ITGA9: variants seen among roughly 807,000 people sequenced by gnomAD.
ITGA9 encodes integrin subunit alpha 9.
ITGA9 carries 56 observed loss-of-function variants against 127.8 expected under a neutral mutation model. That is an observed-to-expected ratio of 0.44 (90% confidence interval 0.35 to 0.55). The LOEUF is 0.55. ITGA9 is among the 20% of genes least tolerant of loss of function. The pLI is 0.00. For missense variants in ITGA9, 1,196 were observed against 1,347.1 expected (o/e 0.89, Z 1.76); for synonymous variants, 508 against 514.5 (o/e 0.99, Z 0.17).
chr3:37,797,017 C>G (rs1467943821), intron 26 of ITGA9, among the ~76,000 whole-genome samples: 1 of 151,966 alleles, frequency 6.6e-6, no homozygotes, highest in Non-Finnish European at 1.5e-5. Flanking sequence ...CAGCTGAGGT[C>G]AGGTTAGGGA....
At chr3:37,460,206 T>G (rs764462497) in intron 1 of ITGA9, among the ~76,000 whole-genome samples, 20 of 152,226 alleles carry the variant, frequency 1.3e-4, no homozygotes, top group Non-Finnish European at 2.8e-4. Flanking sequence ...GAATCACTCC[T>G]GGGTTTGTAA....
chr3:37,748,089 C>T, intron 22 of ITGA9: 1 of 444,838 alleles, frequency 2.2e-6, no homozygotes, highest in Non-Finnish European at 4.4e-6. Context: ...CCAGAACCAC[C>T]ATCTTCCAGT....
intron 18 of ITGA9, among the ~76,000 whole-genome samples, chr3:37,708,849 G>A (rs570760092): frequency 1.2e-3 from 181 of 152,292 alleles, no homozygotes; most frequent in African/African-American, 4.1e-3. Context: ...CCTCTCAGGC[G>A]TATGAATACG....
intron 18 of ITGA9, among the ~76,000 whole-genome samples, chr3:37,703,373 G>A (rs1404358256): frequency 6.6e-6 from 1 of 152,138 alleles, no homozygotes; most frequent in African/African-American, 2.4e-5. Context: ...TTGATCAATT[G>A]GGTTGCTGAG....
intron 23 of ITGA9, among the ~76,000 whole-genome samples, chr3:37,769,035 G>A (rs1176729734): frequency 6.6e-6 from 1 of 152,062 alleles, no homozygotes; most frequent in Non-Finnish European, 1.5e-5. Context: ...CTATGCTTCT[G>A]CCTGTTAAAA....
At chr3:37,772,691 T>C (rs118086087) in intron 23 of ITGA9, among the ~76,000 whole-genome samples, 54 of 152,316 alleles carry the variant, frequency 3.5e-4, no homozygotes, top group East Asian at 1.5e-3. Flanking sequence ...ATCAGACTTA[T>C]GTAGCACCAG....
intron 15 of ITGA9, among the ~76,000 whole-genome samples, chr3:37,556,416 G>A (rs1300938181): frequency 3.3e-5 from 5 of 152,226 alleles, no homozygotes; most frequent in Admixed American, 3.3e-4. Flanking sequence ...ATGGTGAGAA[G>A]AAAATAGAAA....
At chr3:37,479,957 A>G (rs919077000) in intron 3 of ITGA9, among the ~76,000 whole-genome samples, 3 of 152,192 alleles carry the variant, frequency 2.0e-5, no homozygotes, top group Non-Finnish European at 4.4e-5. Context: ...TACGAAAACA[A>G]TGCGTTTGAG....
intron 23 of ITGA9, among the ~76,000 whole-genome samples, chr3:37,760,296 G>C (rs1696709063): frequency 6.6e-6 from 1 of 151,468 alleles, no homozygotes; most frequent in Non-Finnish European, 1.5e-5. Flanking sequence ...CAAAACACCT[G>C]AAATGAACAA....
At chr3:37,565,544 G>T (rs1408836511) in intron 15 of ITGA9, among the ~76,000 whole-genome samples, 1 of 152,250 alleles carries the variant, frequency 6.6e-6, no homozygotes, top group Non-Finnish European at 1.5e-5. Flanking sequence ...TGAAGGGCTT[G>T]TTTAAACAGA....
At chr3:37,599,313 C>T (rs1699896310) in intron 15 of ITGA9, among the ~76,000 whole-genome samples, 1 of 152,184 alleles carries the variant, frequency 6.6e-6, no homozygotes, top group Admixed American at 6.5e-5. Flanking sequence ...TAGGGTTCAG[C>T]TTGCAGGCTG....
intron 5 of ITGA9, among the ~76,000 whole-genome samples, chr3:37,495,994 C>G (rs1698723872): frequency 6.6e-6 from 1 of 152,280 alleles, no homozygotes; most frequent in East Asian, 1.9e-4. Flanking sequence ...CTTTTCCTCA[C>G]TCCAGGAGAG....
chr3:37,649,728 A>C (rs1317691317), intron 16 of ITGA9, among the ~76,000 whole-genome samples: 1 of 152,238 alleles, frequency 6.6e-6, no homozygotes, highest in Non-Finnish European at 1.5e-5. Flanking sequence ...CCTAGCTGGC[A>C]TATACAGAAC....
intron 25 of ITGA9, among the ~76,000 whole-genome samples, chr3:37,780,737 T>G (rs1452770531): frequency 6.6e-6 from 1 of 152,258 alleles, no homozygotes; most frequent in Non-Finnish European, 1.5e-5. Context: ...TTTTAGTTCT[T>G]TGAGAAATCT....
intron 15 of ITGA9, among the ~76,000 whole-genome samples, chr3:37,553,489 A>G (rs931085955): frequency 6.6e-6 from 1 of 152,250 alleles, no homozygotes; most frequent in East Asian, 1.9e-4. Flanking sequence ...GATTAGATTC[A>G]GGATGTATAT....
intron 14 of ITGA9, 77 bp downstream of exon 14, chr3:37,533,545 G>A (rs1699179834): frequency 6.7e-7 from 1 of 1,489,874 alleles, no homozygotes; most frequent in African/African-American, 1.4e-5. Flanking sequence ...GATGTTCCCT[G>A]TCGCTGTTCC....
chr3:37,621,026 C>T (rs1433432798), intron 15 of ITGA9, among the ~76,000 whole-genome samples: 17 of 152,198 alleles, frequency 1.1e-4, no homozygotes, highest in Admixed American at 1.1e-3. Flanking sequence ...AATTTTAGCT[C>T]TTATAATTCC....
At chr3:37,506,398 T>C (rs556516515) in intron 7 of ITGA9, among the ~76,000 whole-genome samples, 68 of 152,284 alleles carry the variant, frequency 4.5e-4, no homozygotes, top group African/African-American at 1.6e-3. Flanking sequence ...AAGAATGGCA[T>C]TTAGTGCTGT....
At chr3:37,801,973 G>C (rs188625792) in intron 26 of ITGA9, among the ~76,000 whole-genome samples, 2 of 152,296 alleles carry the variant, frequency 1.3e-5, no homozygotes, top group East Asian at 1.9e-4. Flanking sequence ...CCAGGGAAGA[G>C]CCAGTAAGTA....
Sources: allele counts gnomAD v4.1 joint callset (sites outside exome capture counted in the v4.1 genomes callset), GRCh38; gene constraint gnomAD v4.1.1; transcripts MANE v1.5; gene names NCBI Gene and HGNC (gene_info 2026-07-23, HGNC 2026-07-21).